Variants in DAAM2 observed in about 807,000 individuals in gnomAD.
DAAM2 encodes the protein dishevelled associated activator of morphogenesis 2.
In DAAM2, 39 loss-of-function variants were observed where a neutral mutation model predicts 120.7. The ratio of observed to expected loss-of-function variants is 0.32; its 90% CI spans 0.25 to 0.42. The LOEUF is 0.42. Ranked by LOEUF, DAAM2 falls within the 10% of genes least tolerant of loss-of-function variation. The pLI, the probability that DAAM2 is intolerant of heterozygous loss-of-function variation, is 1.00. For missense variants in DAAM2, 1,283 were observed against 1,401.7 expected (o/e 0.92, Z 1.35); for synonymous variants, 488 against 524.9 (o/e 0.93, Z 0.96).
chr6:39,827,734 A>G (rs1762726982), intron 1 of DAAM2, among the ~76,000 whole-genome samples: 2 of 152,150 alleles, frequency 1.3e-5, no homozygotes. Context: ...TGGTCTGAGA[A>G]TGAACTCTCT....
At chr6:39,856,074 G>A in intron 1 of DAAM2, 173 bp from the exon 2 acceptor site, 3 of 985,116 alleles carry the variant, frequency 3.0e-6, no homozygotes, top group Non-Finnish European at 3.6e-6. Flanking sequence ...AAGAGCTGGA[G>A]GGAACAGAGG....
rs761633952 is a variant in DAAM2, at chr6:39,883,915, A to G, written c.1846-47A>G. The G allele has an allele frequency of 7.7e-6, 10 of 1,296,848 alleles. No homozygotes were observed. In the African/African-American group the frequency reaches 1.5e-4, roughly 19 times the overall value. The allele number at this position is 1,296,848 out of a possible 1,614,324, so 80.3% of individuals were successfully genotyped here. On this transcript the variant is annotated intron_variant, in intron 14 of 24. Transcript: ENST00000274867. ...TAGGGAGGCATGGAGCATCTTCATGATGGAGTTGGGCCAACCATGGGATCT... is the reference window on the plus strand; with the variant it reads ...TAGGGAGGCATGGAGCATCTTCATGGTGGAGTTGGGCCAACCATGGGATCT...
rs1562075353 is a variant in DAAM2, at chr6:39,904,500, C to CTAA, written c.*2465_*2467dup. The CTAA allele has an allele frequency of 8.8e-6, 4 of 454,286 alleles. No individual in the cohort carries two copies. The highest frequency in any genetic ancestry group is 2.0e-5 in the African/African-American group (1 of 50,004). 28.1% of individuals were successfully genotyped at this position (454,286 alleles called of 1,614,324 possible). On this transcript the variant is annotated 3_prime_UTR_variant, in exon 25 of 25. Coordinates refer to ENST00000274867, the MANE Select transcript of DAAM2 (RefSeq NM_001201427.2). ...GCCACCTTTAGATAAGTTTCTCTAGCTAATTTTGTGGCCAATGTAAAATTC... is the reference window on the plus strand; with the variant it reads ...GCCACCTTTAGATAAGTTTCTCTAGCTAATAATTTTGTGGCCAATGTAAAATTC...
At chr6:39,815,137 C>T (rs1762271087) in intron 1 of DAAM2, among the ~76,000 whole-genome samples, 1 of 152,220 alleles carries the variant, frequency 6.6e-6, no homozygotes, top group African/African-American at 2.4e-5. Context: ...AGGGGTGCAG[C>T]CCAGCGATTT....
chr6:39,867,487 T>C (rs1764478748), intron 5 of DAAM2, 23 bp from the exon 6 acceptor site: 1 of 1,608,524 alleles, frequency 6.2e-7, no homozygotes, highest in Non-Finnish European at 8.5e-7. Context: ...AAATATATGT[T>C]TGTTAATGGC....
intron 1 of DAAM2, among the ~76,000 whole-genome samples, chr6:39,845,579 C>T (rs2149263075): frequency 1.3e-5 from 2 of 151,878 alleles, no homozygotes; most frequent in East Asian, 1.9e-4. Context: ...TAAATACATA[C>T]CACACACACA....
intron 1 of DAAM2, among the ~76,000 whole-genome samples, chr6:39,855,435 T>A (rs960385579): frequency 9.2e-5 from 14 of 152,192 alleles, no homozygotes; most frequent in African/African-American, 2.9e-4. Context: ...CAGAACAGTG[T>A]TCTCTGTAGT....
At chr6:39,839,152 A>G (rs1253195787) in intron 1 of DAAM2, among the ~76,000 whole-genome samples, 1 of 151,822 alleles carries the variant, frequency 6.6e-6, no homozygotes, top group Non-Finnish European at 1.5e-5. Context: ...CTTTGCAGCC[A>G]GGCAGGAAAA....
intron 1 of DAAM2, among the ~76,000 whole-genome samples, chr6:39,837,069 T>C (rs548740939): frequency 6.6e-5 from 10 of 152,264 alleles, no homozygotes; most frequent in African/African-American, 2.4e-4. Flanking sequence ...GGGGCATGAG[T>C]AGCTCTGATG....
intron 10 of DAAM2, among the ~76,000 whole-genome samples, chr6:39,875,087 T>G (rs191200325): frequency 7.9e-5 from 12 of 151,660 alleles, no homozygotes; most frequent in Admixed American, 5.3e-4. Flanking sequence ...TTTCAGGGAG[T>G]AGAGAAATAT....
intron 17 of DAAM2, 98 bp from the exon 18 acceptor site, chr6:39,891,243 C>A: frequency 3.3e-6 from 3 of 901,714 alleles, no homozygotes; most frequent in Non-Finnish European, 5.3e-6. Context: ...TCAAGGCACC[C>A]TCCCCATCTT....
intron 1 of DAAM2, among the ~76,000 whole-genome samples, chr6:39,806,501 A>T (rs772578209): frequency 4.1e-4 from 62 of 152,174 alleles, no homozygotes; most frequent in Admixed American, 2.0e-4. Context: ...TAAAAAGTGC[A>T]TTCCCCACAT....
At chr6:39,888,380 G>T (rs3008811) in intron 16 of DAAM2, 63,835 of 209,072 alleles carry the variant, frequency 0.31, 11,378 homozygotes, top group Non-Finnish European at 0.38. Context: ...CCTTTGCCCT[G>T]TCCCTTTGGT....
intron 1 of DAAM2, among the ~76,000 whole-genome samples, chr6:39,826,981 C>CT (rs536340111): frequency 1.0e-3 from 157 of 152,248 alleles, no homozygotes; most frequent in African/African-American, 3.5e-3. Context: ...AGCTTGGATC[C>CT]TAGCAGGGCT....
intron 19 of DAAM2, among the ~76,000 whole-genome samples, chr6:39,891,994 A>G (rs756165816): frequency 3.0e-4 from 46 of 152,310 alleles, no homozygotes; most frequent in African/African-American, 7.7e-4. Context: ...CTGCCCCAGC[A>G]TGGGATGGAA....
intron 1 of DAAM2, among the ~76,000 whole-genome samples, chr6:39,850,435 T>C (rs943358981): frequency 1.3e-5 from 2 of 152,318 alleles, no homozygotes; most frequent in South Asian, 4.1e-4. Context: ...CTCCTTGTTG[T>C]CACTGCCTGG....
chr6:39,861,048 C>T lies in DAAM2; in HGVS notation c.258+31C>T, dbSNP rs74579395. ...CTCTCTGACCCCTCTGGCCACATCTCAGGGTTCATGGCATGGGGTGGCTCT... is the reference window on the plus strand; with the variant it reads ...CTCTCTGACCCCTCTGGCCACATCTTAGGGTTCATGGCATGGGGTGGCTCT... On this transcript the variant is annotated intron_variant, in intron 3 of 24. Transcript: ENST00000274867. 7.3e-4 allele frequency: 1,132 copies of T among 1,560,426 alleles called. 10 individuals carry two copies. The African/African-American group carries it at 0.014, about 19-fold the overall frequency.
At chr6:39,895,029 G>A (rs1765988471) in intron 19 of DAAM2, among the ~76,000 whole-genome samples, 2 of 151,502 alleles carry the variant, frequency 1.3e-5, no homozygotes, top group South Asian at 4.2e-4. Context: ...GTAGCAGTGG[G>A]GTATTCATTT....
intron 21 of DAAM2, among the ~76,000 whole-genome samples, chr6:39,898,622 T>C (rs1242347734): frequency 6.6e-6 from 1 of 152,240 alleles, no homozygotes; most frequent in African/African-American, 2.4e-5. Flanking sequence ...CTTCTGATAT[T>C]GCAGCATGAC....
Sources: allele counts gnomAD v4.1 joint callset (sites outside exome capture counted in the v4.1 genomes callset), GRCh38; gene constraint gnomAD v4.1.1; transcripts MANE v1.5; gene names NCBI Gene and HGNC (gene_info 2026-07-23, HGNC 2026-07-21).